The following NRXN3 variants were observed in gnomAD, a reference collection of about 807,000 sequenced individuals.
NRXN3 encodes the protein neurexin III.
A neutral mutation model predicts 137.6 loss-of-function variants in NRXN3; 32 were observed. The ratio of observed to expected loss-of-function variants is 0.23; its 90% CI spans 0.18 to 0.31. The LOEUF (loss-of-function observed/expected upper bound fraction) is 0.31, where lower values mean the gene tolerates loss of function less well. Ranked by LOEUF, NRXN3 falls within the 10% of genes least tolerant of loss-of-function variation. The pLI, the probability that NRXN3 is intolerant of heterozygous loss-of-function variation, is 1.00. For synonymous variants in NRXN3, 798 were observed against 784.5 expected (o/e 1.02, Z -0.29); for missense variants, 1,574 against 2,062.5 (o/e 0.76, Z 4.59).
At chr14:79,162,902 C>T (rs540359516) in intron 15 of NRXN3, among the ~76,000 whole-genome samples, 1 of 152,040 alleles carries the variant, frequency 6.6e-6, no homozygotes, top group African/African-American at 2.4e-5. Flanking sequence ...TTTGCTCCTC[C>T]TCTTTTTCCT....
At chr14:79,449,197 G>T (rs2096122258) in intron 15 of NRXN3, among the ~76,000 whole-genome samples, 1 of 152,098 alleles carries the variant, frequency 6.6e-6, no homozygotes. Context: ...TAAAGAATTG[G>T]CACTTCATAG....
chr14:79,485,874 T>G (rs900483550), intron 16 of NRXN3, among the ~76,000 whole-genome samples: 16 of 152,168 alleles, frequency 1.1e-4, no homozygotes, highest in African/African-American at 3.9e-4. Flanking sequence ...AAATGATGAT[T>G]TTTCTTAGAG....
At chr14:78,739,961 T>C (rs1419149112) in intron 8 of NRXN3, among the ~76,000 whole-genome samples, 3 of 152,202 alleles carry the variant, frequency 2.0e-5, no homozygotes, top group African/African-American at 7.2e-5. Flanking sequence ...AGCAATGTAG[T>C]TGATAAGCAA....
intron 16 of NRXN3, among the ~76,000 whole-genome samples, chr14:79,545,741 C>T (rs2097313329): frequency 6.6e-6 from 1 of 151,798 alleles, no homozygotes; most frequent in Non-Finnish European, 1.5e-5. Flanking sequence ...TAGCCTCTTC[C>T]TCCACACTAC....
At chr14:78,222,847 G>A (rs1363408285) in intron 1 of NRXN3, among the ~76,000 whole-genome samples, 1 of 152,146 alleles carries the variant, frequency 6.6e-6, no homozygotes, top group East Asian at 1.9e-4. Flanking sequence ...AGTCAAGGCT[G>A]GACTTGTCTT....
rs545981296 is a variant in NRXN3 at position 79,216,804 on chromosome 14, C to A, written c.3262+228663C>A. Among the ~76,000 whole-genome samples, 146 of 152,148 alleles carry A rather than the reference C, an allele frequency of 9.6e-4. 4 individuals carry two copies. The South Asian group carries it at 0.029, about 30-fold the overall frequency. Reference sequence around the variant, plus strand: ...GACATTGTGTTATTCCATTTTGTGACCCTATAAAGGAACACCTGAGGCTCG... The same window carrying A: ...GACATTGTGTTATTCCATTTTGTGAACCTATAAAGGAACACCTGAGGCTCG... On this transcript the variant is annotated intron_variant, in intron 15 of 20. Transcript: ENST00000335750.
At chr14:79,680,620 G>A (rs944473594) in intron 17 of NRXN3, among the ~76,000 whole-genome samples, 6 of 152,062 alleles carry the variant, frequency 3.9e-5, no homozygotes, top group African/African-American at 1.4e-4. Context: ...ACCCTGCAGG[G>A]ACATAAATGG....
intron 15 of NRXN3, among the ~76,000 whole-genome samples, chr14:78,993,216 T>A (rs2099522509): frequency 6.6e-6 from 1 of 152,186 alleles, no homozygotes; most frequent in Non-Finnish European, 1.5e-5. Flanking sequence ...TATTTATTTT[T>A]TTAATGTAGG....
At chr14:79,052,802 G>A (rs930607932) in intron 15 of NRXN3, among the ~76,000 whole-genome samples, 7 of 152,196 alleles carry the variant, frequency 4.6e-5, no homozygotes, top group African/African-American at 1.7e-4. Context: ...GCTGCCTGCT[G>A]AGAGCCCATA....
intron 4 of NRXN3, among the ~76,000 whole-genome samples, chr14:78,463,031 T>G (rs372716892): frequency 6.6e-6 from 1 of 152,190 alleles, no homozygotes; most frequent in Non-Finnish European, 1.5e-5. Flanking sequence ...CTCTAATGTC[T>G]TTATTCTACT....
intron 19 of NRXN3, among the ~76,000 whole-genome samples, chr14:79,755,620 T>C (rs1429088978): frequency 6.6e-6 from 1 of 152,154 alleles, no homozygotes; most frequent in South Asian, 2.1e-4. Flanking sequence ...ACCATTCTTA[T>C]TGTCTTCCAG....
At chr14:79,371,185 A>G (rs1334407186) in intron 15 of NRXN3, among the ~76,000 whole-genome samples, 1 of 152,230 alleles carries the variant, frequency 6.6e-6, no homozygotes, top group Non-Finnish European at 1.5e-5. Context: ...TACATAATCC[A>G]TCATCTCCTG....
At chr14:78,360,184 G>A (rs2153604574) in intron 4 of NRXN3, among the ~76,000 whole-genome samples, 1 of 152,180 alleles carries the variant, frequency 6.6e-6, no homozygotes, top group Non-Finnish European at 1.5e-5. Context: ...CCCATCCTGA[G>A]CTTCTCTAGG....
chr14:78,221,290 G>T (rs1403760060), intron 1 of NRXN3, among the ~76,000 whole-genome samples: 3 of 152,276 alleles, frequency 2.0e-5, no homozygotes, highest in Admixed American at 1.3e-4. Context: ...AGAGACAGGA[G>T]ATAGAAATAA....
chr14:79,226,041 C>A (rs1205388194), intron 15 of NRXN3, among the ~76,000 whole-genome samples: 1 of 152,116 alleles, frequency 6.6e-6, no homozygotes, highest in Admixed American at 6.5e-5. Flanking sequence ...ATTCCACCTG[C>A]AACCTAATTC....
intron 10 of NRXN3, among the ~76,000 whole-genome samples, chr14:78,848,896 C>T (rs887867797): frequency 6.6e-6 from 1 of 151,944 alleles, no homozygotes; most frequent in East Asian, 1.9e-4. Context: ...AAGATTAGAA[C>T]AGATAAAGGA....
At chr14:79,844,545 A>G (rs2099363015) in intron 20 of NRXN3, among the ~76,000 whole-genome samples, 1 of 152,048 alleles carries the variant, frequency 6.6e-6, no homozygotes, top group African/African-American at 2.4e-5. Flanking sequence ...CTCCTTGTAT[A>G]TCTCCATCAG....
chr14:78,507,624 G>A (rs571019684), intron 4 of NRXN3, among the ~76,000 whole-genome samples: 1 of 152,196 alleles, frequency 6.6e-6, no homozygotes, highest in African/African-American at 2.4e-5. Context: ...TAAAGTCCAC[G>A]TGCATAGTCT....
At chr14:78,833,274 A>G (rs1015341786) in intron 10 of NRXN3, among the ~76,000 whole-genome samples, 1 of 151,874 alleles carries the variant, frequency 6.6e-6, no homozygotes, top group Non-Finnish European at 1.5e-5. Context: ...CTTTTGAGTG[A>G]CCTCTTCCTT....
Sources: gnomAD v4.1 joint callset for allele counts (sites outside exome capture counted in the v4.1 genomes callset) on GRCh38, gnomAD v4.1.1 for gene constraint, MANE v1.5 for transcripts, NCBI Gene and HGNC (gene_info 2026-07-23, HGNC 2026-07-21) for gene names.